The following ANKFN1 variants were observed in gnomAD, a reference collection of about 807,000 sequenced individuals.
ANKFN1 encodes the protein ankyrin repeat and fibronectin type-III domain-containing protein 1.
In ANKFN1, 74 loss-of-function variants were observed where a neutral mutation model predicts 108.7. That is an observed-to-expected ratio of 0.68 (90% CI 0.56 to 0.83). The LOEUF is 0.83. ANKFN1 is among the 40% of genes least tolerant of loss of function. The pLI is 0.00. For synonymous variants in ANKFN1, 547 were observed against 516.2 expected (o/e 1.06, Z -0.81); for missense variants, 1,505 against 1,382.3 (o/e 1.09, Z -1.41).
At chr17:56,101,522 TATATG>T (rs1328662891) in intron 4 of ANKFN1, among the ~76,000 whole-genome samples, 1 of 152,236 alleles carries the variant, frequency 6.6e-6, no homozygotes, top group Non-Finnish European at 1.5e-5. Context: ...CTTAGCATGT[TATATG>T]ATAGTACTAC....
intron 15 of ANKFN1, among the ~76,000 whole-genome samples, chr17:56,474,386 A>G (rs534254868): frequency 1.3e-5 from 2 of 152,312 alleles, no homozygotes; most frequent in East Asian, 3.9e-4. Context: ...AAATTAAGGT[A>G]ATCTGTATGA....
chr17:56,095,678 G>A (rs1002053653), intron 4 of ANKFN1, among the ~76,000 whole-genome samples: 6 of 152,158 alleles, frequency 3.9e-5, no homozygotes, highest in African/African-American at 1.4e-4. Flanking sequence ...TTATGTCTGG[G>A]GGAAGTGCTT....
At chr17:56,459,643 C>T (rs1239862703) in intron 14 of ANKFN1, among the ~76,000 whole-genome samples, 1 of 152,154 alleles carries the variant, frequency 6.6e-6, no homozygotes, top group Non-Finnish European at 1.5e-5. Context: ...CCCAGACATG[C>T]CTGGATCACA....
intron 1 of ANKFN1, among the ~76,000 whole-genome samples, chr17:56,171,148 C>T (rs2143568695): frequency 6.6e-6 from 1 of 152,044 alleles, no homozygotes; most frequent in South Asian, 2.1e-4. Flanking sequence ...GGGAAATGGC[C>T]TCAGGGCTTC....
At chr17:56,200,553 G>C (rs1243367409) in intron 1 of ANKFN1, among the ~76,000 whole-genome samples, 2 of 152,198 alleles carry the variant, frequency 1.3e-5, no homozygotes, top group African/African-American at 4.8e-5. Flanking sequence ...ATTTGAAGAA[G>C]ATGCAGCACG....
At chr17:56,068,320 G>T (rs1394926794) in intron 4 of ANKFN1, among the ~76,000 whole-genome samples, 3 of 152,152 alleles carry the variant, frequency 2.0e-5, no homozygotes, top group Non-Finnish European at 2.9e-5. Flanking sequence ...CGTGTTAAGA[G>T]AAATTGAGAT....
chr17:56,159,906 G>C (rs895924795), intron 1 of ANKFN1, among the ~76,000 whole-genome samples: 1 of 151,852 alleles, frequency 6.6e-6, no homozygotes, highest in African/African-American at 2.4e-5. Context: ...GGGCCAGGGC[G>C]GGGCAGGGGA....
chr17:56,153,014 G>T (rs1430593528), upstream of ANKFN1, among the ~76,000 whole-genome samples: 3 of 152,138 alleles, frequency 2.0e-5, no homozygotes, highest in Non-Finnish European at 4.4e-5. Flanking sequence ...CTTCAACTGA[G>T]CATCTTAATG....
At chr17:56,437,022 T>C (rs573456527) in intron 8 of ANKFN1, among the ~76,000 whole-genome samples, 4 of 152,290 alleles carry the variant, frequency 2.6e-5, no homozygotes, top group South Asian at 4.2e-4. Context: ...CCAGAATAGA[T>C]TGGCCATTCT....
intron 4 of ANKFN1, among the ~76,000 whole-genome samples, chr17:56,334,263 C>A (rs1356564798): frequency 1.3e-5 from 2 of 151,276 alleles, no homozygotes. Flanking sequence ...GAAACATGAT[C>A]TATAGTATCA....
chr17:56,164,476 CT>C (rs1165897573), intron 1 of ANKFN1, among the ~76,000 whole-genome samples: 4 of 152,130 alleles, frequency 2.6e-5, no homozygotes, highest in Non-Finnish European at 4.4e-5. Context: ...TATCTCACCT[CT>C]TATTCTCCAG....
intron 6 of ANKFN1, among the ~76,000 whole-genome samples, chr17:56,371,683 G>A (rs186033527): frequency 6.6e-6 from 1 of 152,198 alleles, no homozygotes; most frequent in Non-Finnish European, 1.5e-5. Flanking sequence ...TAACCAGGTG[G>A]GGCTCTGAAG....
intron 4 of ANKFN1, among the ~76,000 whole-genome samples, chr17:56,078,605 A>T (rs114772592): frequency 6.6e-5 from 10 of 152,364 alleles, no homozygotes; most frequent in South Asian, 4.1e-4. Flanking sequence ...TACTGAATGC[A>T]GAACTCCAGA....
intron 1 of ANKFN1, among the ~76,000 whole-genome samples, chr17:56,181,342 A>G (rs1303682237): frequency 6.6e-6 from 1 of 152,198 alleles, no homozygotes; most frequent in African/African-American, 2.4e-5. Context: ...AATAGCAATA[A>G]CTACTAGTTA....
At chr17:56,323,931 C>A (rs776649180) in intron 3 of ANKFN1, among the ~76,000 whole-genome samples, 10 of 152,118 alleles carry the variant, frequency 6.6e-5, no homozygotes, top group Admixed American at 6.5e-4. Context: ...AGGTGTCGTG[C>A]TTTCAGACCA....
At position 56,055,570 on chromosome 17, in the gene ANKFN1, T is replaced by C. The variant is rs918289211; in HGVS notation, c.288+9245T>C. Among the ~76,000 whole-genome samples, 8 of 100,138 alleles carry C rather than the reference T, an allele frequency of 8.0e-5. 1 individual carries two copies. The highest frequency in any genetic ancestry group is 3.5e-4 in the African/African-American group (6 of 17,304). 65.7% of individuals were successfully genotyped at this position (100,138 alleles called of 152,430 possible). On this transcript the variant is annotated intron_variant, in intron 4 of 12. Transcript: ENST00000635860. ...TGTGTGTGTGTGGTATATATACATA[T>C]ATATATATATATATATATGTATATA... is the stretch of plus-strand genomic sequence containing the variant.
intron 8 of ANKFN1, among the ~76,000 whole-genome samples, chr17:56,420,864 C>T (rs1351581622): frequency 6.6e-6 from 1 of 151,886 alleles, no homozygotes; most frequent in African/African-American, 2.4e-5. Context: ...CCCGCCACCG[C>T]GCCCGGCTAA....
At chr17:56,306,078 T>A (rs955119202) in intron 3 of ANKFN1, among the ~76,000 whole-genome samples, 2 of 152,222 alleles carry the variant, frequency 1.3e-5, no homozygotes, top group South Asian at 4.1e-4. Flanking sequence ...ACTCTTGAAA[T>A]TGAGTAACCT....
At chr17:56,301,825 A>G (rs2044678811) in intron 3 of ANKFN1, among the ~76,000 whole-genome samples, 1 of 152,216 alleles carries the variant, frequency 6.6e-6, no homozygotes, top group Non-Finnish European at 1.5e-5. Flanking sequence ...GGATCTTGGA[A>G]GAGAATAGAA....
Sources: gnomAD v4.1 joint callset for allele counts (sites outside exome capture counted in the v4.1 genomes callset) on GRCh38, gnomAD v4.1.1 for gene constraint, MANE v1.5 for transcripts, NCBI Gene and HGNC (gene_info 2026-07-23, HGNC 2026-07-21) for gene names.